The following WDFY3 variants were observed in gnomAD, a reference collection of about 807,000 sequenced individuals.
WDFY3 encodes the protein WD repeat and FYVE domain-containing protein 3.
A neutral mutation model predicts 409.6 loss-of-function variants in WDFY3; 66 were observed. The observed-to-expected ratio is 0.16, with a 90% confidence interval of 0.13 to 0.20. WDFY3 has a LOEUF of 0.20. Ranked by LOEUF, WDFY3 falls within the 10% of genes least tolerant of loss-of-function variation. WDFY3 has a pLI of 1.00. For synonymous variants in WDFY3, 1,521 were observed against 1,537.1 expected (o/e 0.99, Z 0.25); for missense variants, 3,031 against 4,298.1 (o/e 0.71, Z 8.24).
At chr4:84,952,051 C>G (rs995073796) in intron 1 of WDFY3, among the ~76,000 whole-genome samples, 2 of 152,176 alleles carry the variant, frequency 1.3e-5, no homozygotes, top group Admixed American at 1.3e-4. Flanking sequence ...ATGACAAGTA[C>G]TATTACCTCA....
chr4:84,800,683 A>AT (rs910405475), intron 17 of WDFY3, among the ~76,000 whole-genome samples: 8 of 152,056 alleles, frequency 5.3e-5, no homozygotes, highest in Admixed American at 5.2e-4. Flanking sequence ...GTGGAAGACA[A>AT]TTTTTTCACA....
intron 22 of WDFY3, 121 bp downstream of exon 22, chr4:84,789,605 A>G (rs1748127612): frequency 1.8e-6 from 2 of 1,095,146 alleles, no homozygotes; most frequent in Non-Finnish European, 2.5e-6. Flanking sequence ...CTTAAAATTA[A>G]GAAAGTAATT....
intron 10 of WDFY3, among the ~76,000 whole-genome samples, chr4:84,823,124 G>C (rs1253583147): frequency 6.6e-6 from 1 of 152,172 alleles, no homozygotes; most frequent in Non-Finnish European, 1.5e-5. Context: ...AATCAAGACA[G>C]TGTGGTATTG....
intron 4 of WDFY3, among the ~76,000 whole-genome samples, chr4:84,851,104 A>G (rs574675484): frequency 6.6e-6 from 1 of 151,450 alleles, no homozygotes; most frequent in Non-Finnish European, 1.5e-5. Flanking sequence ...AATAATTTTT[A>G]AAAATAAATG....
chr4:84,669,788 C>T lies in WDFY3; in HGVS notation c.*3080G>A, dbSNP rs1196444637. 6.7e-6 allele frequency: 1 copy of T among 148,796 alleles called. No individual in the cohort carries two copies. Among genetic ancestry groups the T allele is most frequent in the Non-Finnish European group, 1.5e-5 (1 of 67,338 alleles). 9.2% of individuals were successfully genotyped at this position (148,796 alleles called of 1,614,324 possible). A position where few individuals can be genotyped will look rare whatever the true frequency, so the allele number is the denominator to read the frequency against. On this transcript the variant is annotated 3_prime_UTR_variant, in exon 68 of 68. Transcript: ENST00000295888. ...ATAGTATAAAAGTCCACAATCAATC[C>T]AGTCTTAGCCAGTATCTTCAATTTA...
intron 56 of WDFY3, among the ~76,000 whole-genome samples, chr4:84,699,071 A>G (rs1224162480): frequency 6.6e-6 from 1 of 151,592 alleles, no homozygotes; most frequent in Non-Finnish European, 1.5e-5. Context: ...TTGGGGTGAA[A>G]TTCACATAAA....
chr4:84,786,600 C>T (rs1747594644), intron 23 of WDFY3, among the ~76,000 whole-genome samples: 1 of 152,196 alleles, frequency 6.6e-6, no homozygotes, highest in Admixed American at 6.5e-5. Context: ...TTTAAAGCTA[C>T]ATGGCCTGAG....
At chr4:84,842,247 C>A (rs530987478) in intron 5 of WDFY3, among the ~76,000 whole-genome samples, 1 of 151,990 alleles carries the variant, frequency 6.6e-6, no homozygotes, top group Non-Finnish European at 1.5e-5. Context: ...GAGGCCAAGG[C>A]GGGCAGATCA....
chr4:84,717,306 A>AT (rs1734101912), intron 48 of WDFY3, among the ~76,000 whole-genome samples: 1 of 152,148 alleles, frequency 6.6e-6, no homozygotes, highest in Non-Finnish European at 1.5e-5. Flanking sequence ...GGCCCAAGAA[A>AT]ATGTCTTAAT....
chr4:84,707,214 G>C (rs183724191), intron 53 of WDFY3, among the ~76,000 whole-genome samples: 53 of 152,224 alleles, frequency 3.5e-4, no homozygotes, highest in African/African-American at 1.3e-3. Context: ...ACAGGTGTGA[G>C]CCACAGCACC....
At chr4:84,723,910 T>C (rs1735242499) in intron 46 of WDFY3, among the ~76,000 whole-genome samples, 1 of 152,210 alleles carries the variant, frequency 6.6e-6, no homozygotes, top group Non-Finnish European at 1.5e-5. Flanking sequence ...CTATGGACAT[T>C]GTAGTCCAAT....
At chr4:84,779,673 TGGGGTGTGAGGTGGA>T (rs1746175992) in intron 26 of WDFY3, among the ~76,000 whole-genome samples, 1 of 151,986 alleles carries the variant, frequency 6.6e-6, no homozygotes, top group Non-Finnish European at 1.5e-5. Flanking sequence ...TAAAAGATGG[TGGGGTGTGAGGTGGA>T]GGGGAGAGAG....
intron 33 of WDFY3, among the ~76,000 whole-genome samples, chr4:84,755,645 T>C (rs1027317462): frequency 8.5e-5 from 13 of 152,192 alleles, no homozygotes; most frequent in Non-Finnish European, 1.9e-4. Context: ...GTTAAAAACA[T>C]TGCTTTCTAC....
At chr4:84,688,056 C>T in intron 62 of WDFY3, 30 bp downstream of exon 62, 1 of 1,599,408 alleles carries the variant, frequency 6.3e-7, no homozygotes, top group Non-Finnish European at 8.5e-7. Context: ...ACTTGTTTAC[C>T]TAAACATAAG....
At position 84,688,124 on chromosome 4, in the gene WDFY3, G is replaced by A; in HGVS notation, c.9505C>T (p.Arg3169Ter). The change falls in exon 62 of 68, where the codon CGA becomes TGA. Residue 3169 changes from arginine to a stop codon, truncating the protein, a stop_gained. Coordinates refer to ENST00000295888, the MANE Select transcript of WDFY3 (RefSeq NM_014991.6). LOFTEE classifies it high-confidence loss of function. ...LSFLTQLRGHRAPVSALCINE... is the reference protein window; with the variant it reads ...LSFLTQLRGH ...ATACAAAGAGCAGAAACTGGAGCTCGATGCCCTCGAAGCTGGGTTAGAAAT... is the reference window on the plus strand; with the variant it reads ...ATACAAAGAGCAGAAACTGGAGCTCAATGCCCTCGAAGCTGGGTTAGAAAT... The A allele has an allele frequency of 6.2e-7, 1 of 1,614,094 alleles. No individual in the cohort carries two copies. Among genetic ancestry groups the A allele is most frequent in the Non-Finnish European group, 8.5e-7 (1 of 1,179,992 alleles).
intron 5 of WDFY3, among the ~76,000 whole-genome samples, chr4:84,848,919 G>A (rs1578802389): frequency 6.6e-6 from 1 of 152,092 alleles, no homozygotes; most frequent in African/African-American, 2.4e-5. Flanking sequence ...AGTGGAATTT[G>A]TTCTAAGTCC....
chr4:84,825,384 A>G, intron 10 of WDFY3, among the ~76,000 whole-genome samples: 1 of 146,822 alleles, frequency 6.8e-6, no homozygotes, highest in South Asian at 2.2e-4. Flanking sequence ...TGCTTTTAAG[A>G]GAAAGGGGGT....
chr4:84,759,640 T>C (rs1477241522), intron 32 of WDFY3, among the ~76,000 whole-genome samples: 1 of 148,628 alleles, frequency 6.7e-6, no homozygotes, highest in East Asian at 2.0e-4. Context: ...CTTGTGATTT[T>C]TGTACATTGA....
At position 84,721,856 on chromosome 4, in the gene WDFY3, C is replaced by G. The variant is rs146846706; in HGVS notation, c.7442-284G>C. Among the ~76,000 whole-genome samples the G allele has an allele frequency of 2.0e-4, 31 of 152,046 alleles. No homozygotes were observed. In the East Asian group the frequency reaches 6.0e-3, roughly 29 times the overall value. ...CTTAAAACAACAACAACAACAACAACAACAAAAAACATGGTACAAGTACAC... is the reference window on the plus strand; with the variant it reads ...CTTAAAACAACAACAACAACAACAAGAACAAAAAACATGGTACAAGTACAC... On this transcript the variant is annotated intron_variant, in intron 46 of 67. Coordinates refer to ENST00000295888, the MANE Select transcript of WDFY3 (RefSeq NM_014991.6).
Sources: gnomAD v4.1 joint callset for allele counts (sites outside exome capture counted in the v4.1 genomes callset) on GRCh38, gnomAD v4.1.1 for gene constraint, MANE v1.5 for transcripts, NCBI Gene and HGNC (gene_info 2026-07-23, HGNC 2026-07-21) for gene names.